FBXL7: variants seen among roughly 807,000 people sequenced by gnomAD.
The protein encoded by FBXL7 is F-box and leucine rich repeat protein 7.
In FBXL7, 12 loss-of-function variants were observed where a neutral mutation model predicts 38.3. The observed-to-expected ratio is 0.31, with a 90% confidence interval of 0.20 to 0.51. FBXL7 has a LOEUF of 0.51. Among genes scored for constraint, FBXL7 ranks in the 20% least tolerant of loss-of-function variants. FBXL7 has a pLI of 0.98. For missense variants in FBXL7, 567 were observed against 676.4 expected (o/e 0.84, Z 1.79); for synonymous variants, 297 against 300.9 (o/e 0.99, Z 0.13).
chr5:15,704,127 G>T (rs1743610568), intron 2 of FBXL7, among the ~76,000 whole-genome samples: 1 of 152,204 alleles, frequency 6.6e-6, no homozygotes, highest in Admixed American at 6.5e-5. Flanking sequence ...TGCTGAGAAG[G>T]AGGAGGGTGG....
intron 1 of FBXL7, among the ~76,000 whole-genome samples, chr5:15,509,519 C>G (rs530519211): frequency 6.6e-6 from 1 of 152,270 alleles, no homozygotes; most frequent in South Asian, 2.1e-4. Flanking sequence ...TTGAGTTACC[C>G]TCTAAGTAAT....
chr5:15,658,343 C>T (rs539949420), intron 2 of FBXL7, among the ~76,000 whole-genome samples: 1 of 151,950 alleles, frequency 6.6e-6, no homozygotes, highest in Non-Finnish European at 1.5e-5. Flanking sequence ...TGGCTGTGTC[C>T]CCACCAAATC....
At chr5:15,648,463 C>A (rs1242831373) in intron 2 of FBXL7, among the ~76,000 whole-genome samples, 1 of 152,174 alleles carries the variant, frequency 6.6e-6, no homozygotes, top group African/African-American at 2.4e-5. Context: ...TTCCCAGTAG[C>A]ATAACATGGC....
At chr5:15,774,094 G>A (rs1444921819) in intron 2 of FBXL7, among the ~76,000 whole-genome samples, 1 of 151,758 alleles carries the variant, frequency 6.6e-6, no homozygotes, top group Non-Finnish European at 1.5e-5. Context: ...TCTAAATCAA[G>A]GTGTCAGCAG....
At chr5:15,712,282 C>T (rs1743899228) in intron 2 of FBXL7, among the ~76,000 whole-genome samples, 2 of 150,840 alleles carry the variant, frequency 1.3e-5, no homozygotes, top group African/African-American at 4.9e-5. Flanking sequence ...ATTTATATCT[C>T]CAGTATTGGA....
intron 2 of FBXL7, among the ~76,000 whole-genome samples, chr5:15,783,269 A>T (rs1445480907): frequency 1.3e-5 from 2 of 152,198 alleles, no homozygotes; most frequent in African/African-American, 2.4e-5. Flanking sequence ...TGGCACTGTC[A>T]TAATTTCCGG....
intron 2 of FBXL7, among the ~76,000 whole-genome samples, chr5:15,842,507 T>C (rs1738777124): frequency 6.6e-6 from 1 of 152,174 alleles, no homozygotes; most frequent in African/African-American, 2.4e-5. Flanking sequence ...TTTGGGTGAC[T>C]GTTGGGAAGG....
chr5:15,785,352 G>A (rs887805606), intron 2 of FBXL7, among the ~76,000 whole-genome samples: 2 of 152,078 alleles, frequency 1.3e-5, no homozygotes, highest in Admixed American at 6.5e-5. Flanking sequence ...ACACATTCAC[G>A]TGTGCACACC....
intron 1 of FBXL7, among the ~76,000 whole-genome samples, chr5:15,587,148 A>G (rs768009146): frequency 3.3e-5 from 5 of 152,222 alleles, no homozygotes; most frequent in Non-Finnish European, 5.9e-5. Flanking sequence ...CTACATTCAT[A>G]TGGACTACAG....
intron 2 of FBXL7, among the ~76,000 whole-genome samples, chr5:15,709,964 C>CT (rs879381126): frequency 3.3e-5 from 5 of 152,158 alleles, no homozygotes; most frequent in Admixed American, 2.6e-4. Flanking sequence ...CTAAAGCCTC[C>CT]ACCTATTAAA....
intron 1 of FBXL7, among the ~76,000 whole-genome samples, chr5:15,583,219 C>A (rs1580384893): frequency 6.6e-6 from 1 of 152,142 alleles, no homozygotes; most frequent in Non-Finnish European, 1.5e-5. Context: ...AAACTGCCCA[C>A]ATGATCCAGT....
chr5:15,877,461 A>G (rs910924019), intron 2 of FBXL7, among the ~76,000 whole-genome samples: 10 of 152,202 alleles, frequency 6.6e-5, no homozygotes, highest in African/African-American at 2.2e-4. Context: ...TCGTATTTCA[A>G]TTCCATAGAG....
intron 2 of FBXL7, among the ~76,000 whole-genome samples, chr5:15,798,211 A>G (rs991445343): frequency 6.6e-6 from 1 of 152,198 alleles, no homozygotes; most frequent in African/African-American, 2.4e-5. Context: ...ACTGATCAGC[A>G]AACATATCTG....
At chr5:15,772,670 T>G (rs12186993) in intron 2 of FBXL7, among the ~76,000 whole-genome samples, 28,029 of 152,148 alleles carry the variant, frequency 0.18, 2,586 homozygotes, top group South Asian at 0.24. Flanking sequence ...AAATGGCATA[T>G]ATTATATAGC....
chr5:15,697,983 G>C (rs1408618742), intron 2 of FBXL7, among the ~76,000 whole-genome samples: 1 of 152,222 alleles, frequency 6.6e-6, no homozygotes, highest in Non-Finnish European at 1.5e-5. Flanking sequence ...ATATTGTAGA[G>C]AGAAAGTTGG....
chr5:15,526,229 TG>T (rs1234122703), intron 1 of FBXL7, among the ~76,000 whole-genome samples: 2 of 151,718 alleles, frequency 1.3e-5, no homozygotes, highest in African/African-American at 4.8e-5. Context: ...GGAGGCTGGG[TG>T]GGGGTAAGTT....
intron 2 of FBXL7, among the ~76,000 whole-genome samples, chr5:15,712,757 A>G (rs1743917426): frequency 6.6e-6 from 1 of 152,142 alleles, no homozygotes; most frequent in Admixed American, 6.5e-5. Context: ...TCTAATATTG[A>G]GGGTGGCATT....
intron 2 of FBXL7, among the ~76,000 whole-genome samples, chr5:15,712,679 T>TA (rs1371117969): frequency 6.0e-5 from 9 of 150,032 alleles, no homozygotes; most frequent in Admixed American, 6.0e-4. Flanking sequence ...GCAATAAAAT[T>TA]TAAAAAAAAA....
At chr5:15,519,528 A>T (rs569504586) in intron 1 of FBXL7, among the ~76,000 whole-genome samples, 1 of 152,102 alleles carries the variant, frequency 6.6e-6, no homozygotes, top group Admixed American at 6.5e-5. Context: ...TGGCTCAAAG[A>T]AGTTGTCACA....
Sources: gnomAD v4.1 joint callset for allele counts (sites outside exome capture counted in the v4.1 genomes callset) on GRCh38, gnomAD v4.1.1 for gene constraint, MANE v1.5 for transcripts, NCBI Gene and HGNC (gene_info 2026-07-23, HGNC 2026-07-21) for gene names.